Variants in MGST2 observed in about 807,000 individuals in gnomAD.
MGST2 encodes glutathione peroxidase MGST2.
A neutral mutation model predicts 16.6 loss-of-function variants in MGST2; 9 were observed. The observed-to-expected ratio is 0.54, with a 90% CI of 0.33 to 0.95. The LOEUF is 0.95. Ranked by LOEUF, MGST2 falls within the 40% of genes least tolerant of loss-of-function variation. The probability of loss-of-function intolerance (pLI) is 0.03; values close to 1 mark genes in which losing one functional copy is unlikely to be tolerated. For synonymous variants in MGST2, 79 were observed against 68.0 expected (o/e 1.16, Z -0.79); for missense variants, 159 against 175.1 (o/e 0.91, Z 0.52).
intron 5 of MGST2, among the ~76,000 whole-genome samples, chr4:139,713,686 T>A (rs972463973): frequency 6.6e-6 from 1 of 152,210 alleles, no homozygotes; most frequent in African/African-American, 2.4e-5. Context: ...TACCTGACTT[T>A]AACAATGCCA....
chr4:139,696,428 C>A (rs1445308219), intron 3 of MGST2, among the ~76,000 whole-genome samples: 4 of 152,168 alleles, frequency 2.6e-5, no homozygotes, highest in Admixed American at 2.0e-4. Flanking sequence ...ATCATCAGAA[C>A]CCTTCTGCCA....
intron 5 of MGST2, among the ~76,000 whole-genome samples, chr4:139,711,361 T>A (rs1046895038): frequency 1.3e-5 from 2 of 151,998 alleles, no homozygotes; most frequent in Non-Finnish European, 2.9e-5. Context: ...TGAAAGCAAG[T>A]TTATTAAGAA....
intron 2 of MGST2, among the ~76,000 whole-genome samples, chr4:139,690,054 C>T (rs185006661): frequency 1.3e-5 from 2 of 151,892 alleles, no homozygotes; most frequent in East Asian, 2.0e-4. Flanking sequence ...TGCAGTGGTG[C>T]GATCTTGGCT....
intron 2 of MGST2, 50 bp from the exon 3 acceptor site, chr4:139,695,147 A>G (rs1726844163): frequency 7.8e-7 from 1 of 1,284,466 alleles, no homozygotes; most frequent in Non-Finnish European, 1.1e-6. Flanking sequence ...TCAATGCTTC[A>G]GTGTATACTT....
chr4:139,717,447 T>G (rs1348304441), intron 5 of MGST2: 1 of 152,128 alleles, frequency 6.6e-6, no homozygotes, highest in Non-Finnish European at 1.5e-5. Context: ...ATTTGGGGAG[T>G]TCAGGGTCAC....
chr4:139,750,305 C>G, the MGST2 span, among the ~76,000 whole-genome samples: 1 of 152,150 alleles, frequency 6.6e-6, no homozygotes, highest in African/African-American at 2.4e-5. Context: ...CACAGCATCC[C>G]CTGTGGGTCA....
At chr4:139,685,046 T>C (rs980784334) in intron 2 of MGST2, 4 of 152,388 alleles carry the variant, frequency 2.6e-5, no homozygotes, top group Non-Finnish European at 5.9e-5. Flanking sequence ...CTTTTGGTTC[T>C]GGGGTAAGGA....
chr4:139,705,395 G>A (rs529974666), downstream of MGST2, among the ~76,000 whole-genome samples: 28 of 152,206 alleles, frequency 1.8e-4, no homozygotes, highest in Non-Finnish European at 3.4e-4. Flanking sequence ...GGTAGCATGT[G>A]CAAATTCCAG....
intron 1 of MGST2, among the ~76,000 whole-genome samples, chr4:139,669,989 C>CGTCCAGGTGTGTGCATTCCTCG (rs1730584940): frequency 6.6e-6 from 1 of 152,118 alleles, no homozygotes; most frequent in Non-Finnish European, 1.5e-5. Flanking sequence ...TGGGAAAGTT[C>CGTCCAGGTGTGTGCATTCCTCG]GTCCAGGTGT....
chr4:139,730,570 C>A (rs188364696), intron 5 of MGST2: 1 of 1,601,526 alleles, frequency 6.2e-7, no homozygotes, highest in Non-Finnish European at 8.5e-7. Flanking sequence ...GAAGCCGGGG[C>A]CTGCGGGACT....
chr4:139,736,796 C>T (rs529940659), intron 5 of MGST2, among the ~76,000 whole-genome samples: 13 of 152,280 alleles, frequency 8.5e-5, no homozygotes, highest in African/African-American at 2.9e-4. Flanking sequence ...CAGGTGGTTA[C>T]GATGTCCCAT....
chr4:139,675,334 G>A (rs1243983116), intron 1 of MGST2, among the ~76,000 whole-genome samples: 1 of 152,102 alleles, frequency 6.6e-6, no homozygotes, highest in Non-Finnish European at 1.5e-5. Flanking sequence ...GGTGAAAAGA[G>A]GAAGTTAAGG....
intron 5 of MGST2, among the ~76,000 whole-genome samples, chr4:139,729,130 A>C (rs1728595229): frequency 6.8e-6 from 1 of 147,284 alleles, no homozygotes; most frequent in Non-Finnish European, 1.5e-5. Flanking sequence ...AAGGGAGATA[A>C]TTACACAGCT....
intron 5 of MGST2, among the ~76,000 whole-genome samples, chr4:139,716,052 A>G (rs1727940931): frequency 6.6e-6 from 1 of 152,198 alleles, no homozygotes; most frequent in African/African-American, 2.4e-5. Context: ...GGTGTAAGCT[A>G]CAGTGCCCGG....
In MGST2 at chr4:139,678,385, A is replaced by G. The variant is rs552525611; in HGVS notation, c.59-158A>G. Among the ~76,000 whole-genome samples, 5 of 152,266 alleles carry G rather than the reference A, an allele frequency of 3.3e-5. No individual in the cohort carries two copies. In the East Asian group the frequency reaches 9.6e-4, roughly 29 times the overall value. On this transcript the variant is annotated intron_variant, in intron 1 of 4. Transcript: ENST00000265498. ...TTGTATGAAAGTTTCAGTTGCTCTC[A>G]TATCCTCTCCTGTCTTTTTTAATTG...
intron 5 of MGST2, among the ~76,000 whole-genome samples, chr4:139,710,711 TAATTA>T (rs758282529): frequency 2.0e-5 from 3 of 152,246 alleles, no homozygotes; most frequent in Non-Finnish European, 4.4e-5. Context: ...CTCTTCTTCA[TAATTA>T]AATTCTTTCT....
intron 5 of MGST2, among the ~76,000 whole-genome samples, chr4:139,720,998 A>G (rs536412135): frequency 6.6e-6 from 1 of 152,220 alleles, no homozygotes; most frequent in African/African-American, 2.4e-5. Context: ...AGATTTCAAC[A>G]TGCTCCAGAT....
At chr4:139,725,682 T>C in intron 5 of MGST2, 1 of 1,450,904 alleles carries the variant, frequency 6.9e-7, no homozygotes. Context: ...AGGCAATGCC[T>C]CTGGCTACAC....
chr4:139,749,886 C>CCA, the MGST2 span, among the ~76,000 whole-genome samples: 4,565 of 63,040 alleles, frequency 0.072, 230 homozygotes, highest in East Asian at 0.37. Flanking sequence ...TGAATAAGAA[C>CCA]CCCCCCCCAC....
Sources: allele counts gnomAD v4.1 joint callset (sites outside exome capture counted in the v4.1 genomes callset), GRCh38; gene constraint gnomAD v4.1.1; transcripts MANE v1.5; gene names NCBI Gene and HGNC (gene_info 2026-07-23, HGNC 2026-07-21).